NT5C1A: variants seen among roughly 807,000 people sequenced by gnomAD.
The protein encoded by NT5C1A is 5'-nucleotidase, cytosolic IA.
NT5C1A carries 18 observed loss-of-function variants against 31.0 expected under a neutral mutation model. The observed-to-expected ratio is 0.58, with a 90% CI of 0.40 to 0.86. The LOEUF (loss-of-function observed/expected upper bound fraction) is 0.86, where lower values mean the gene tolerates loss of function less well. Among genes scored for constraint, NT5C1A ranks in the 40% least tolerant of loss-of-function variants. The probability of loss-of-function intolerance (pLI) is 0.00; values close to 1 mark genes in which losing one functional copy is unlikely to be tolerated. For missense variants in NT5C1A, 470 were observed against 505.4 expected, an observed-to-expected ratio of 0.93 and a Z score of 0.67; for synonymous variants, 185 against 203.6, an observed-to-expected ratio of 0.91 and a Z score of 0.78.
chr1:39,665,479 G>T, intron 3 of NT5C1A, 42 bp downstream of exon 3: 2 of 1,570,956 alleles, frequency 1.3e-6, no homozygotes, highest in Non-Finnish European at 1.7e-6. Context: ...GTCTGGTAGG[G>T]GTGTCCCAGG....
At chr1:39,668,258 G>A (rs1400116096) in intron 1 of NT5C1A, among the ~76,000 whole-genome samples, 1 of 152,154 alleles carries the variant, frequency 6.6e-6, no homozygotes, top group Non-Finnish European at 1.5e-5. Context: ...CAGGGACAGG[G>A]CCATCACCCC....
At chr1:39,670,005 A>C (rs565582509) in intron 1 of NT5C1A, among the ~76,000 whole-genome samples, 2 of 152,374 alleles carry the variant, frequency 1.3e-5, no homozygotes, top group Middle Eastern at 3.4e-3. Context: ...TAAACTTTGA[A>C]TTCAATATGT....
chr1:39,662,679 A>G lies in NT5C1A; in HGVS notation c.556+633T>C, dbSNP rs114165952. On this transcript the variant is annotated intron_variant, in intron 4 of 5. Transcript: ENST00000235628. ...AAGGAACCCTCTCAGGTACCTGGCC[A>G]GTCCTTGCTCCTCTATGGGCCTGTT... Among the ~76,000 whole-genome samples, 504 of 152,364 alleles carry G rather than the reference A, an allele frequency of 3.3e-3. 2 individuals carry two copies. The highest frequency in any genetic ancestry group is 0.012 in the African/African-American group (489 of 41,588).
chr1:39,663,287 A>T, intron 4 of NT5C1A, 25 bp downstream of exon 4: 1 of 1,613,858 alleles, frequency 6.2e-7, no homozygotes, highest in Non-Finnish European at 8.5e-7. Context: ...CACTCCCCAT[A>T]TTCTTCCTCT....
chr1:39,670,042 A>G (rs1013412775), intron 1 of NT5C1A, among the ~76,000 whole-genome samples: 18 of 152,342 alleles, frequency 1.2e-4, no homozygotes, highest in African/African-American at 3.8e-4. Context: ...TATATCTCAT[A>G]CCATATGGTA....
chr1:39,660,297 G>A (rs1023601904), intron 5 of NT5C1A, among the ~76,000 whole-genome samples: 1 of 152,160 alleles, frequency 6.6e-6, no homozygotes, highest in Admixed American at 6.5e-5. Flanking sequence ...CTTGGAGAGG[G>A]GCTCTGAGAT....
chr1:39,663,297 T>A lies in NT5C1A; in HGVS notation c.556+15A>T. The A allele has an allele frequency of 6.2e-7, 1 of 1,614,138 alleles. No individual in the cohort carries two copies. The highest frequency in any genetic ancestry group is 8.5e-7 in the Non-Finnish European group (1 of 1,179,982). ...TGCTGCACTCCCCATATTCTTCCTC[T>A]TCACTTAGACTTACCCTCATCAATG... On this transcript the variant is annotated intron_variant, in intron 4 of 5. Coordinates refer to ENST00000235628, the MANE Select transcript of NT5C1A (RefSeq NM_032526.3).
chr1:39,654,934 GTTTCT>G lies in NT5C1A; in HGVS notation c.*4182_*4186del, dbSNP rs3863758. Among the ~76,000 whole-genome samples, 18,838 of 152,026 alleles carry G rather than the reference GTTTCT, an allele frequency of 0.12. 1,297 individuals carry two copies. The highest frequency in any genetic ancestry group is 0.16 in the Non-Finnish European group (11,138 of 67,922). ...TGGGCATGGCTATGTTCTAATCAAAGTTTCTTTTATCTTTTTTTTTTTCTTTGAGA... is the reference window on the plus strand; with the variant it reads ...TGGGCATGGCTATGTTCTAATCAAAGTTTATCTTTTTTTTTTTCTTTGAGA... On this transcript the variant is annotated 3_prime_UTR_variant, in exon 6 of 6. Transcript: ENST00000235628.
rs116763700 is a variant in NT5C1A at position 39,654,303 on chromosome 1, C to T, written c.*4818G>A. On this transcript the variant is annotated 3_prime_UTR_variant, in exon 6 of 6. Transcript: ENST00000235628. ...ACTTCTGAACCGGCTAAAGTCCTCA[C>T]GGGACCCTCTTCACGACGGACTTGT... Among the ~76,000 whole-genome samples the T allele has an allele frequency of 0.064, 9,717 of 152,304 alleles. 414 individuals carry two copies. The highest frequency in any genetic ancestry group is 0.13 in the East Asian group (666 of 5,186).
rs187891909 is a variant in NT5C1A, at chr1:39,652,892, C to A, written c.*6229G>T. Among the ~76,000 whole-genome samples the A allele has an allele frequency of 3.9e-5, 6 of 151,988 alleles. No homozygotes were observed. Among genetic ancestry groups the A allele is most frequent in the African/African-American group, 1.4e-4 (6 of 41,446 alleles). The stretch of plus-strand genomic sequence containing the variant: ...GGCAGGAATCTTTGCCTAGGTTGGG[C>A]AGGGCTGGTAGTGGGGAGGGAAGGC... On this transcript the variant is annotated 3_prime_UTR_variant, in exon 6 of 6. Transcript: ENST00000235628.
chr1:39,668,156 TG>T (rs1294945260), intron 1 of NT5C1A, among the ~76,000 whole-genome samples: 1 of 152,164 alleles, frequency 6.6e-6, no homozygotes, highest in East Asian at 1.9e-4. Flanking sequence ...GGGTTGGTGG[TG>T]GAGTGGGGAG....
rs1646478288 is a variant in NT5C1A, at chr1:39,659,285, C to G, written c.943G>C (p.Gly315Arg). ...EALFLAGAPK[G>R]PLLEKIRPHI... ...GGGCGGATCTTCTCAAGGAGAGGGC[C>G]CTTGGGCGCTCCAGCAAGGAACAAG... is the stretch of plus-strand genomic sequence containing the variant. Residue 315 changes from glycine to arginine, a missense_variant, in exon 6 of 6, where the codon GGC (glycine) becomes CGC (arginine). Physicochemically the swap from Gly to Arg is moderately radical, Grantham distance 125 (BLOSUM62 -2). Coordinates refer to ENST00000235628, the MANE Select transcript of NT5C1A (RefSeq NM_032526.3). 2 of 1,613,928 alleles carry G rather than the reference C, an allele frequency of 1.2e-6. No individual in the cohort carries two copies. Among genetic ancestry groups the G allele is most frequent in the Non-Finnish European group, 1.7e-6 (2 of 1,180,044 alleles).
rs770504593 is a variant in NT5C1A, at chr1:39,665,614, A to G, written c.340T>C (p.Tyr114His). 1 of 1,613,312 alleles carries G rather than the reference A, an allele frequency of 6.2e-7. No individual in the cohort carries two copies. The highest frequency in any genetic ancestry group is 1.1e-5 in the South Asian group (1 of 91,082). The change falls in exon 3 of 6, where the codon TAC (tyrosine) becomes CAC (histidine). Residue 114 changes from tyrosine (Y) to histidine (H), a missense_variant. Coordinates refer to ENST00000235628, the MANE Select transcript of NT5C1A (RefSeq NM_032526.3). ...TCGAAGACGTCCTCACTATCAGGGTACAGCTCCCGCAGCCGCCTGTTCACG... is the reference window on the plus strand; with the variant it reads ...TCGAAGACGTCCTCACTATCAGGGTGCAGCTCCCGCAGCCGCCTGTTCACG... The part of the protein sequence containing the change: ...EAVNRRLREL[Y>H]PDSEDVFDIV...
chr1:39,665,011 A>T (rs1646513960), intron 3 of NT5C1A, among the ~76,000 whole-genome samples: 1 of 152,164 alleles, frequency 6.6e-6, no homozygotes, highest in South Asian at 2.1e-4. Context: ...AACCTAATAA[A>T]AAATTCTCCT....
At chr1:39,670,186 C>T (rs1024784459) in intron 1 of NT5C1A, among the ~76,000 whole-genome samples, 7 of 152,166 alleles carry the variant, frequency 4.6e-5, no homozygotes, top group Admixed American at 6.5e-5. Context: ...TTGAAACTAG[C>T]GGCTAGAATG....
rs1467144621 is a variant in NT5C1A, at chr1:39,656,271, C to A, written c.*2850G>T. Among the ~76,000 whole-genome samples, 1 of 152,150 alleles carries A rather than the reference C, an allele frequency of 6.6e-6. No individual in the cohort carries two copies. The highest frequency in any genetic ancestry group is 1.5e-5 in the Non-Finnish European group (1 of 68,034). On this transcript the variant is annotated 3_prime_UTR_variant, in exon 6 of 6. Coordinates refer to ENST00000235628, the MANE Select transcript of NT5C1A (RefSeq NM_032526.3). The stretch of plus-strand genomic sequence containing the variant: ...TTAGGCCTGGGACTTTGGTGTTCAC[C>A]TGGCTTTTTAATTTACTGGTGAACA...
rs1452727746 is a variant in NT5C1A, at chr1:39,656,416, C to CT, written c.*2704dup. Among the ~76,000 whole-genome samples the CT allele has an allele frequency of 1.3e-5, 2 of 152,192 alleles. No individual in the cohort carries two copies. The highest frequency in any genetic ancestry group is 2.4e-5 in the African/African-American group (1 of 41,446). On this transcript the variant is annotated 3_prime_UTR_variant, in exon 6 of 6. Coordinates refer to ENST00000235628, the MANE Select transcript of NT5C1A (RefSeq NM_032526.3). Reference sequence around the variant, plus strand: ...GGCTTTTTATTCCAGTGACTGAAAGCTTTTTTCCAGGCCTGAGATGCTCAT... The same window carrying CT: ...GGCTTTTTATTCCAGTGACTGAAAGCTTTTTTTCCAGGCCTGAGATGCTCAT...
In NT5C1A at chr1:39,651,466, C is replaced by T. The variant is rs1287521366; in HGVS notation, c.*7655G>A. Among the ~76,000 whole-genome samples, 3 of 152,144 alleles carry T rather than the reference C, an allele frequency of 2.0e-5. No homozygotes were observed. Among genetic ancestry groups the T allele is most frequent in the Non-Finnish European group, 4.4e-5 (3 of 68,026 alleles). On this transcript the variant is annotated 3_prime_UTR_variant, in exon 6 of 6. Coordinates refer to ENST00000235628, the MANE Select transcript of NT5C1A (RefSeq NM_032526.3). The stretch of plus-strand genomic sequence containing the variant: ...TGGGAGAAGTACAAGCAGTCTTATT[C>T]CCAGACAAGGGAAGTCACAAAGACG...
chr1:39,666,099 G>A lies in NT5C1A; in HGVS notation c.273C>T (p.Phe91=), dbSNP rs748467995. The stretch of plus-strand genomic sequence containing the variant: ...CAAAAGGGAAGGCTGGCCCGGGACT[G>A]AAGGGTTCGTTCTCATGTTCCAGCT... ...RYQLEHENEP[F]SPGPAFPFVK... The change falls in exon 2 of 6, where the codon TTC becomes TTT. Residue 91 remains phenylalanine, a synonymous_variant. Coordinates refer to ENST00000235628, the MANE Select transcript of NT5C1A (RefSeq NM_032526.3). The A allele has an allele frequency of 2.5e-6, 4 of 1,613,632 alleles. No homozygotes were observed. Among genetic ancestry groups the A allele is most frequent in the Non-Finnish European group, 3.4e-6 (4 of 1,179,958 alleles).
Sources: allele counts gnomAD v4.1 joint callset (sites outside exome capture counted in the v4.1 genomes callset), GRCh38; gene constraint gnomAD v4.1.1; transcripts MANE v1.5; gene names NCBI Gene and HGNC (gene_info 2026-07-23, HGNC 2026-07-21).